Variants in LRRFIP2 observed in about 807,000 individuals in gnomAD.
LRRFIP2 encodes the protein leucine-rich repeat flightless-interacting protein 2.
LRRFIP2 carries 109 observed loss-of-function variants against 125.9 expected under a neutral mutation model. That is an observed-to-expected ratio of 0.87 (90% CI 0.74 to 1.01). LRRFIP2 has a LOEUF of 1.01. Ranked by LOEUF, LRRFIP2 falls within the 50% of genes least tolerant of loss-of-function variation. The pLI is 0.00. For missense variants in LRRFIP2, 850 were observed against 862.3 expected, an observed-to-expected ratio of 0.99 and a Z score of 0.18; for synonymous variants, 291 against 293.1, an observed-to-expected ratio of 0.99 and a Z score of 0.07.
At chr3:37,140,026 C>T (rs1322014887) in intron 2 of LRRFIP2, among the ~76,000 whole-genome samples, 4 of 152,188 alleles carry the variant, frequency 2.6e-5, no homozygotes, top group Non-Finnish European at 4.4e-5. Context: ...CTTTTCTGGA[C>T]TTTCAATATC....
At position 37,091,487 on chromosome 3, in the gene LRRFIP2, G is replaced by T; in HGVS notation, c.1087C>A (p.Gln363Lys). 1 of 1,612,024 alleles carries T rather than the reference G, an allele frequency of 6.2e-7. No individual in the cohort carries two copies. The highest frequency in any genetic ancestry group is 8.5e-7 in the Non-Finnish European group (1 of 1,178,980). The change falls in exon 18 of 28, where the codon CAG becomes AAG. Residue 363 changes from glutamine to lysine, a missense_variant. Physicochemically the swap from Gln to Lys is moderately conservative, Grantham distance 53. Transcript: ENST00000336686. The stretch of plus-strand genomic sequence containing the variant: ...GATACCTTTAGTTCTTTAAGCCCCT[G>T]CATGTATCTCCCTTCTACATCCTGT... ...QIQDVEGRYM[Q>K]GLKELKESLS...
At chr3:37,143,280 G>A (rs935993303) in intron 2 of LRRFIP2, among the ~76,000 whole-genome samples, 2 of 152,174 alleles carry the variant, frequency 1.3e-5, no homozygotes, top group Non-Finnish European at 1.5e-5. Flanking sequence ...ACCTAAATAC[G>A]TTTTCTTGCT....
chr3:37,126,166 A>T (rs1196094286), intron 4 of LRRFIP2, among the ~76,000 whole-genome samples: 1 of 152,114 alleles, frequency 6.6e-6, no homozygotes, highest in Non-Finnish European at 1.5e-5. Flanking sequence ...AGTAGCTGGG[A>T]TTACAGGCGC....
intron 18 of LRRFIP2, among the ~76,000 whole-genome samples, chr3:37,085,184 G>GGA (rs2092951134): frequency 6.6e-6 from 1 of 152,090 alleles, no homozygotes; most frequent in South Asian, 2.1e-4. Context: ...CATGAAGTTG[G>GGA]GATAGGCAAT....
At chr3:37,156,453 CA>C (rs756876860) in intron 1 of LRRFIP2, among the ~76,000 whole-genome samples, 2 of 150,342 alleles carry the variant, frequency 1.3e-5, no homozygotes, top group Non-Finnish European at 3.0e-5. Flanking sequence ...GCTGGCAGAT[CA>C]TGAGGTCAGG....
intron 1 of LRRFIP2, among the ~76,000 whole-genome samples, chr3:37,164,865 T>C (rs1171435713): frequency 6.6e-6 from 1 of 152,200 alleles, no homozygotes; most frequent in Non-Finnish European, 1.5e-5. Context: ...AGGTGGGTCC[T>C]GTGACTTACT....
intron 9 of LRRFIP2, 107 bp downstream of exon 9, chr3:37,110,884 C>A (rs564788091): frequency 9.9e-6 from 9 of 905,306 alleles, no homozygotes; most frequent in Non-Finnish European, 1.6e-5. Flanking sequence ...CTAGTATATA[C>A]GTAGCCATTT....
intron 1 of LRRFIP2, among the ~76,000 whole-genome samples, chr3:37,150,119 T>C (rs1017251001): frequency 1.3e-5 from 2 of 152,128 alleles, no homozygotes; most frequent in African/African-American, 4.8e-5. Flanking sequence ...CCAGGTACTA[T>C]AGGAGGTGCT....
chr3:37,143,983 A>G (rs2095792035), intron 2 of LRRFIP2: 1 of 152,644 alleles, frequency 6.6e-6, no homozygotes, highest in Non-Finnish European at 1.5e-5. Context: ...GCCGGATGCT[A>G]TGGCTGACGT....
At chr3:37,142,844 C>T (rs572764008) in intron 2 of LRRFIP2, among the ~76,000 whole-genome samples, 6 of 152,240 alleles carry the variant, frequency 3.9e-5, no homozygotes, top group African/African-American at 1.2e-4. Context: ...CTAAACAGTA[C>T]GAGTTCAAAA....
intron 2 of LRRFIP2, among the ~76,000 whole-genome samples, chr3:37,148,055 C>T (rs2095903440): frequency 6.6e-6 from 1 of 152,144 alleles, no homozygotes; most frequent in South Asian, 2.1e-4. Flanking sequence ...TTTCCATCAA[C>T]ATTTACATAC....
intron 1 of LRRFIP2, among the ~76,000 whole-genome samples, chr3:37,170,177 A>C (rs1200429843): frequency 6.6e-6 from 1 of 152,156 alleles, no homozygotes; most frequent in Non-Finnish European, 1.5e-5. Flanking sequence ...ACCTAATCTA[A>C]AGCAAAAAAG....
intron 11 of LRRFIP2, among the ~76,000 whole-genome samples, chr3:37,109,120 C>T (rs1459496065): frequency 6.6e-6 from 1 of 152,180 alleles, no homozygotes; most frequent in Non-Finnish European, 1.5e-5. Context: ...ACAGCTCACA[C>T]ATTACACAGA....
At chr3:37,054,329 T>A (rs2086189973) in intron 27 of LRRFIP2, 82 bp downstream of exon 27, 1 of 1,202,124 alleles carries the variant, frequency 8.3e-7, no homozygotes, top group Non-Finnish European at 1.2e-6. Context: ...AGTATCAAAT[T>A]TCTTACACAG....
chr3:37,072,970 TAAAG>T (rs1559713033), intron 20 of LRRFIP2, 88 bp from the exon 21 acceptor site: 1 of 805,578 alleles, frequency 1.2e-6, no homozygotes, highest in Non-Finnish European at 2.0e-6. Context: ...ATAAAGCCGA[TAAAG>T]AAACTTAACC....
At chr3:37,155,043 G>T (rs1453708499) in intron 1 of LRRFIP2, among the ~76,000 whole-genome samples, 1 of 152,198 alleles carries the variant, frequency 6.6e-6, no homozygotes, top group East Asian at 1.9e-4. Flanking sequence ...CTGAACTAAA[G>T]ACTTAGTGTG....
chr3:37,130,864 A>C (rs566150030), intron 2 of LRRFIP2, among the ~76,000 whole-genome samples: 2 of 152,214 alleles, frequency 1.3e-5, no homozygotes, highest in Non-Finnish European at 2.9e-5. Flanking sequence ...GTTCTACCTT[A>C]ATAGAAAAAA....
intron 2 of LRRFIP2, among the ~76,000 whole-genome samples, chr3:37,141,749 CACA>C: frequency 6.6e-6 from 1 of 152,276 alleles, no homozygotes; most frequent in Middle Eastern, 3.4e-3. Context: ...AGAAGGCGGC[CACA>C]GGTACAGTCT....
chr3:37,060,329 G>C lies in LRRFIP2; in HGVS notation c.1750-1419C>G, dbSNP rs567260656. ...TGTTTTGTTTTGTTTGTTTGTTTGA[G>C]ACAGGGTCTCGCTCTGTGGCCCAGA... On this transcript the variant is annotated intron_variant, in intron 24 of 27. Coordinates refer to ENST00000336686, the MANE Select transcript of LRRFIP2 (RefSeq NM_006309.4). The surrounding 1 kb of genome is among the most constrained non-coding windows in gnomAD (Gnocchi z 4.1). 1.3e-5 allele frequency among the ~76,000 whole-genome samples: 2 copies of C among 151,720 alleles called. No individual in the cohort carries two copies. Among genetic ancestry groups the C allele is most frequent in the South Asian group, 4.2e-4 (2 of 4,796 alleles).
Sources: gnomAD v4.1 joint callset for allele counts (sites outside exome capture counted in the v4.1 genomes callset) on GRCh38, gnomAD v4.1.1 for gene constraint, Gnocchi (gnomAD v3.1) non-coding constraint, MANE v1.5 for transcripts, NCBI Gene and HGNC (gene_info 2026-07-23, HGNC 2026-07-21) for gene names.